The following RBM44 variants were observed in gnomAD, a reference collection of about 807,000 sequenced individuals.
The protein encoded by RBM44 is RNA-binding protein 44.
RBM44 carries 66 observed loss-of-function variants against 105.1 expected under a neutral mutation model. That is an observed-to-expected ratio of 0.63 (90% CI 0.52 to 0.77). The LOEUF is 0.77. Ranked by LOEUF, RBM44 falls within the 30% of genes least tolerant of loss-of-function variation. The probability of loss-of-function intolerance (pLI) is 0.00; values close to 1 mark genes in which losing one functional copy is unlikely to be tolerated. For synonymous variants in RBM44, 365 were observed against 417.6 expected (o/e 0.87, Z 1.54); for missense variants, 1,122 against 1,207.8 (o/e 0.93, Z 1.05).
In RBM44 at chr2:237,817,086, C is replaced by A; in HGVS notation, c.167C>A (p.Ser56Tyr). The change falls in exon 3 of 16, where the codon TCT becomes TAT. Residue 56 changes from serine to tyrosine, a missense_variant. Coordinates refer to ENST00000316997, the MANE Select transcript of RBM44 (RefSeq NM_001080504.3). ...KLTFPDDDWN[S>Y]STLEQRANNK... ...ACTTTTCCTGATGATGACTGGAATTCTTCGACACTAGAGCAAAGAGCTAAT... is the reference window on the plus strand; with the variant it reads ...ACTTTTCCTGATGATGACTGGAATTATTCGACACTAGAGCAAAGAGCTAAT... The A allele has an allele frequency of 6.2e-7, 1 of 1,606,200 alleles. No homozygotes were observed. Among genetic ancestry groups the A allele is most frequent in the Non-Finnish European group, 8.5e-7 (1 of 1,176,846 alleles).
intron 10 of RBM44, among the ~76,000 whole-genome samples, chr2:237,825,811 TCCCTCCTC>T (rs977838401): frequency 2.6e-5 from 4 of 152,200 alleles, no homozygotes; most frequent in Non-Finnish European, 5.9e-5. Flanking sequence ...AGCTCATTAT[TCCCTCCTC>T]ACTCCAGTGT....
intron 10 of RBM44, among the ~76,000 whole-genome samples, chr2:237,824,725 A>G (rs2061830481): frequency 6.6e-6 from 1 of 152,176 alleles, no homozygotes; most frequent in Non-Finnish European, 1.5e-5. Context: ...AGGCACGGGT[A>G]CATGGTGAAT....
chr2:237,839,553 G>C (rs1180665086), intron 15 of RBM44, among the ~76,000 whole-genome samples: 4 of 152,184 alleles, frequency 2.6e-5, no homozygotes, highest in Admixed American at 6.5e-5. Context: ...ACAGGCATGA[G>C]CCACTGCGCC....
intron 1 of RBM44, among the ~76,000 whole-genome samples, chr2:237,802,966 C>T (rs1240874875): frequency 1.3e-5 from 2 of 152,138 alleles, no homozygotes; most frequent in African/African-American, 4.8e-5. Context: ...GGTGTTAGCA[C>T]TCTTTTAAAA....
At chr2:237,832,488 T>C (rs2061913812) in intron 13 of RBM44, among the ~76,000 whole-genome samples, 2 of 152,152 alleles carry the variant, frequency 1.3e-5, no homozygotes, top group Non-Finnish European at 2.9e-5. Flanking sequence ...ATTGAATTGA[T>C]CCAGGCTGTG....
chr2:237,807,591 G>A (rs2061611891), intron 1 of RBM44, among the ~76,000 whole-genome samples: 1 of 152,170 alleles, frequency 6.6e-6, no homozygotes, highest in Admixed American at 6.5e-5. Flanking sequence ...GAAAATATTT[G>A]CAAATTTAGA....
rs1692808920 is a variant in RBM44 at position 237,842,612 on chromosome 2, T to C, written c.*796T>C. ...ATAGAATAGATAGTTCTTTAATTGC[T>C]TACTTTTTAAAAGTAATATAATATT... On this transcript the variant is annotated 3_prime_UTR_variant, in exon 16 of 16. Transcript: ENST00000316997. 6.6e-6 allele frequency: 1 copy of C among 152,168 alleles called. No individual in the cohort carries two copies. The highest frequency in any genetic ancestry group is 2.4e-5 in the African/African-American group (1 of 41,468). 9.4% of individuals were successfully genotyped at this position (152,168 alleles called of 1,614,324 possible).
chr2:237,800,827 A>G (rs1202895140), intron 1 of RBM44, among the ~76,000 whole-genome samples: 3 of 151,636 alleles, frequency 2.0e-5, no homozygotes, highest in Non-Finnish European at 2.9e-5. Flanking sequence ...CCCAGGTTCA[A>G]GTGATTCTCC....
intron 1 of RBM44, among the ~76,000 whole-genome samples, chr2:237,800,344 T>G (rs543037676): frequency 4.6e-5 from 7 of 152,336 alleles, no homozygotes; most frequent in Admixed American, 3.9e-4. Flanking sequence ...TGTAAGAGTT[T>G]TTTCTATATT....
At chr2:237,800,714 G>C (rs2061536560) in intron 1 of RBM44, among the ~76,000 whole-genome samples, 1 of 151,430 alleles carries the variant, frequency 6.6e-6, no homozygotes, top group Non-Finnish European at 1.5e-5. Flanking sequence ...AATACTCCTT[G>C]GGACTCTCAA....
rs1326715450 is a variant in RBM44 at position 237,829,221 on chromosome 2, G to A, written c.2605G>A (p.Ala869Thr). Residue 869 changes from alanine to threonine, a missense_variant, in exon 13 of 16, where the codon GCA becomes ACA. By Grantham distance (58) the Ala-to-Thr change is moderately conservative. Transcript: ENST00000316997. Reference protein sequence around the residue: ...SIYDSTNYRYASLAFTKNSDA... With the variant: ...SIYDSTNYRYTSLAFTKNSDA... ...TTTTCTGCTCTTATGTTTTAGATAT[G>A]CATCTCTTGCTTTTACAAAAAACAG... is the stretch of plus-strand genomic sequence containing the variant. 1 of 1,604,828 alleles carries A rather than the reference G, an allele frequency of 6.2e-7. No homozygotes were observed. Among genetic ancestry groups the A allele is most frequent in the South Asian group, 1.1e-5 (1 of 89,740 alleles).
At position 237,827,435 on chromosome 2, in the gene RBM44, CG is replaced by C. The variant is rs1432372612; in HGVS notation, c.2533del (p.Asp845IlefsTer2). ...GGLCPSVSEA[D>X]LRSHFQKYQV... ...AACTTTTATTTCTCTTCTTTTAGGC[CG>C]ATTTAAGGTCTCATTTCCAAAAATA... On this transcript the variant is annotated frameshift_variant, in exon 12 of 16. Coordinates refer to ENST00000316997, the MANE Select transcript of RBM44 (RefSeq NM_001080504.3). LOFTEE classifies it high-confidence loss of function. The C allele has an allele frequency of 2.0e-6, 3 of 1,519,840 alleles. No homozygotes were observed. The highest frequency in any genetic ancestry group is 2.7e-6 in the Non-Finnish European group (3 of 1,120,052). 94.1% of individuals were successfully genotyped at this position (1,519,840 alleles called of 1,614,324 possible). A position where few individuals can be genotyped will look rare whatever the true frequency, so the allele number is the denominator to read the frequency against.
intron 13 of RBM44, among the ~76,000 whole-genome samples, chr2:237,833,474 T>C (rs934309808): frequency 6.6e-6 from 1 of 152,204 alleles, no homozygotes; most frequent in Admixed American, 6.5e-5. Flanking sequence ...CCCCACAGCA[T>C]ATAGTGCACT....
At chr2:237,800,942 C>G (rs1264340245) in intron 1 of RBM44, among the ~76,000 whole-genome samples, 1 of 152,202 alleles carries the variant, frequency 6.6e-6, no homozygotes, top group Non-Finnish European at 1.5e-5. Flanking sequence ...TAGTCTCAAA[C>G]TCCTGACCTC....
At chr2:237,827,178 A>C in intron 10 of RBM44, 72 bp from the exon 11 acceptor site, 1 of 841,606 alleles carries the variant, frequency 1.2e-6, no homozygotes, top group East Asian at 2.7e-5. Flanking sequence ...AATATTTAAC[A>C]GTGTTCACAT....
chr2:237,811,042 G>A (rs767400761), intron 1 of RBM44, among the ~76,000 whole-genome samples: 2 of 152,058 alleles, frequency 1.3e-5, no homozygotes, highest in Non-Finnish European at 2.9e-5. Flanking sequence ...ACGCCCTTCA[G>A]CTGCTGCAGC....
intron 15 of RBM44, among the ~76,000 whole-genome samples, chr2:237,839,890 A>G (rs1473711567): frequency 6.6e-6 from 1 of 152,176 alleles, no homozygotes; most frequent in Non-Finnish European, 1.5e-5. Flanking sequence ...TATATCTGAT[A>G]AGGGGTTAAT....
intron 10 of RBM44, among the ~76,000 whole-genome samples, chr2:237,826,703 T>C (rs887348781): frequency 1.3e-5 from 2 of 152,132 alleles, no homozygotes; most frequent in Admixed American, 6.6e-5. Context: ...GACAATCAAC[T>C]GCAGATTGAA....
chr2:237,830,626 A>T (rs575059305), intron 13 of RBM44, among the ~76,000 whole-genome samples: 1 of 152,274 alleles, frequency 6.6e-6, no homozygotes, highest in African/African-American at 2.4e-5. Flanking sequence ...TCTGTTTTGC[A>T]TATGGAATAG....
Sources: gnomAD v4.1 joint callset for allele counts (sites outside exome capture counted in the v4.1 genomes callset) on GRCh38, gnomAD v4.1.1 for gene constraint, MANE v1.5 for transcripts, NCBI Gene and HGNC (gene_info 2026-07-23, HGNC 2026-07-21) for gene names.